Variants in SLC44A1 observed in about 807,000 individuals in gnomAD.
The protein encoded by SLC44A1 is choline transporter-like protein 1.
SLC44A1 carries 26 observed loss-of-function variants against 79.3 expected under a neutral mutation model. The ratio of observed to expected loss-of-function variants is 0.33; its 90% confidence interval spans 0.24 to 0.46. The LOEUF is 0.46. SLC44A1 is among the 20% of genes least tolerant of loss of function. The pLI, the probability that SLC44A1 is intolerant of heterozygous loss-of-function variation, is 1.00. For missense variants in SLC44A1, 688 were observed against 798.1 expected (o/e 0.86, Z 1.66); for synonymous variants, 263 against 286.2 (o/e 0.92, Z 0.82).
chr9:105,352,073 C>T (rs1277417842), intron 5 of SLC44A1, among the ~76,000 whole-genome samples: 1 of 151,720 alleles, frequency 6.6e-6, no homozygotes, highest in African/African-American at 2.4e-5. Flanking sequence ...CCAGCCTGAG[C>T]AACATAGCAA....
At chr9:105,270,712 A>C (rs1284667544) in intron 1 of SLC44A1, among the ~76,000 whole-genome samples, 1 of 152,042 alleles carries the variant, frequency 6.6e-6, no homozygotes, top group Non-Finnish European at 1.5e-5. Flanking sequence ...TTAAAAGCTG[A>C]TCATCACCTG....
At chr9:105,386,585 T>C (rs1037632710) in intron 15 of SLC44A1, 8 of 218,146 alleles carry the variant, frequency 3.7e-5, no homozygotes, top group African/African-American at 1.4e-4. Context: ...TTTGCCTTTT[T>C]TTTTTTAAGC....
chr9:105,370,423 T>C (rs1264261262), intron 12 of SLC44A1, among the ~76,000 whole-genome samples: 2 of 152,232 alleles, frequency 1.3e-5, no homozygotes, highest in East Asian at 3.8e-4. Context: ...CATAGAAATA[T>C]TGCCTTTTAA....
chr9:105,314,941 A>T (rs572954796), intron 3 of SLC44A1, among the ~76,000 whole-genome samples: 6 of 152,356 alleles, frequency 3.9e-5, no homozygotes, highest in African/African-American at 1.4e-4. Context: ...AGGAAACATG[A>T]GTGACTTGAT....
At chr9:105,272,262 T>C (rs1006753893) in intron 1 of SLC44A1, among the ~76,000 whole-genome samples, 3 of 152,202 alleles carry the variant, frequency 2.0e-5, no homozygotes, top group Non-Finnish European at 4.4e-5. Flanking sequence ...CATTTTTTTG[T>C]CTTCTTTATA....
At chr9:105,319,790 C>T (rs1402846541) in intron 3 of SLC44A1, among the ~76,000 whole-genome samples, 1 of 152,204 alleles carries the variant, frequency 6.6e-6, no homozygotes, top group Non-Finnish European at 1.5e-5. Flanking sequence ...TCTTACTACA[C>T]ACTGGGGCTC....
chr9:105,421,218 G>A (rs984703586), intron 15 of SLC44A1, among the ~76,000 whole-genome samples: 20 of 152,154 alleles, frequency 1.3e-4, no homozygotes, highest in Non-Finnish European at 2.5e-4. Context: ...TGAATTAGAT[G>A]TGCTGGAATG....
chr9:105,324,681 CTG>C (rs1277292004), intron 3 of SLC44A1, among the ~76,000 whole-genome samples: 3 of 152,156 alleles, frequency 2.0e-5, no homozygotes, highest in African/African-American at 7.2e-5. Context: ...TGAAAGAAAT[CTG>C]TGATAGGCAA....
Position 105,393,908 on chromosome 9 carries a change from A to T in SLC44A1, c.*4852A>T. The T allele has an allele frequency of 1.0e-6, 1 of 985,068 alleles. No homozygotes were observed. The highest frequency in any genetic ancestry group is 1.2e-6 in the Non-Finnish European group (1 of 829,564). The allele number at this position is 985,068 out of a possible 1,614,324, so 61.0% of individuals were successfully genotyped here. On this transcript the variant is annotated 3_prime_UTR_variant, in exon 16 of 16. Coordinates refer to ENST00000374720, the MANE Select transcript of SLC44A1 (RefSeq NM_080546.5). ...TGGTCTAGTGAAGATCTAGTTGAAC[A>T]TGGAAACATTGTAATTTACAAATGT...
intron 8 of SLC44A1, among the ~76,000 whole-genome samples, chr9:105,362,433 CT>C (rs1201289036): frequency 5.9e-5 from 9 of 152,098 alleles, no homozygotes; most frequent in Non-Finnish European, 8.8e-5. Context: ...ACAGATCCCA[CT>C]TTTAAGGAGC....
intron 5 of SLC44A1, among the ~76,000 whole-genome samples, chr9:105,348,997 G>T (rs1056264077): frequency 6.6e-6 from 1 of 152,106 alleles, no homozygotes; most frequent in African/African-American, 2.4e-5. Context: ...AGTACCTACT[G>T]TGCATGATGG....
chr9:105,259,359 A>T (rs1415357120), intron 1 of SLC44A1, among the ~76,000 whole-genome samples: 1 of 152,176 alleles, frequency 6.6e-6, no homozygotes, highest in African/African-American at 2.4e-5. Context: ...AATATAATTG[A>T]TGCTTGTGTT....
At chr9:105,351,559 AGAAAGAG>A (rs1827412868) in intron 5 of SLC44A1, among the ~76,000 whole-genome samples, 1 of 107,574 alleles carries the variant, frequency 9.3e-6, no homozygotes, top group African/African-American at 5.1e-5. Flanking sequence ...AAAGAAAGAG[AGAAAGAG>A]AGAAAGAGAG....
chr9:105,338,496 C>G (rs1940861932), intron 4 of SLC44A1, among the ~76,000 whole-genome samples: 1 of 152,106 alleles, frequency 6.6e-6, no homozygotes, highest in Non-Finnish European at 1.5e-5. Context: ...TTCATTGCAG[C>G]CTTGTACTTC....
chr9:105,366,235 A>G, intron 11 of SLC44A1, 111 bp from the exon 12 acceptor site: 1 of 487,218 alleles, frequency 2.1e-6, no homozygotes, highest in East Asian at 3.5e-5. Flanking sequence ...GAGGCTTTGA[A>G]GCATAAATTG....
chr9:105,264,294 G>A (rs1378506259), intron 1 of SLC44A1, among the ~76,000 whole-genome samples: 1 of 152,104 alleles, frequency 6.6e-6, no homozygotes, highest in African/African-American at 2.4e-5. Context: ...CTCCTGAATA[G>A]CGGGGACCAC....
At chr9:105,337,027 A>G (rs1353440224) in intron 4 of SLC44A1, among the ~76,000 whole-genome samples, 2 of 152,200 alleles carry the variant, frequency 1.3e-5, no homozygotes, top group Non-Finnish European at 2.9e-5. Context: ...TACTTGAATA[A>G]AGAAGTGCCA....
intron 1 of SLC44A1, among the ~76,000 whole-genome samples, chr9:105,291,099 G>A (rs573025618): frequency 6.6e-6 from 1 of 152,178 alleles, no homozygotes. Context: ...GGAACAGAAG[G>A]CTAGAGCCTC....
rs1365643098 is a variant in SLC44A1, at chr9:105,256,037, AG to A, written c.36+11136del. Among the ~76,000 whole-genome samples the A allele has an allele frequency of 4.6e-5, 7 of 152,268 alleles. No individual in the cohort carries two copies. In the East Asian group the frequency reaches 1.4e-3, roughly 29 times the overall value. ...AAAATTTTATTTTTATTTTTGAGACAGGGTCTTGCTCTGTCACCCTGGCTGG... is the reference window on the plus strand; with the variant it reads ...AAAATTTTATTTTTATTTTTGAGACAGGTCTTGCTCTGTCACCCTGGCTGG... On this transcript the variant is annotated intron_variant, in intron 1 of 15. Coordinates refer to ENST00000374720, the MANE Select transcript of SLC44A1 (RefSeq NM_080546.5).
Sources: allele counts gnomAD v4.1 joint callset (sites outside exome capture counted in the v4.1 genomes callset), GRCh38; gene constraint gnomAD v4.1.1; transcripts MANE v1.5; gene names NCBI Gene and HGNC (gene_info 2026-07-23, HGNC 2026-07-21).